The following NDRG2 variants were observed in gnomAD, a reference collection of about 807,000 sequenced individuals.
NDRG2 encodes protein NDRG2.
In NDRG2, 34 loss-of-function variants were observed where a neutral mutation model predicts 58.2. The ratio of observed to expected loss-of-function variants is 0.58; its 90% CI spans 0.44 to 0.78. NDRG2 has a LOEUF of 0.78. NDRG2 is among the 30% of genes least tolerant of loss of function. The pLI, the probability that NDRG2 is intolerant of heterozygous loss-of-function variation, is 0.00. For synonymous variants in NDRG2, 187 were observed against 175.9 expected (o/e 1.06, Z -0.50); for missense variants, 434 against 471.2 (o/e 0.92, Z 0.73).
At chr14:21,058,709 G>A (rs1405025574) in intron 1 of NDRG2, among the ~76,000 whole-genome samples, 1 of 152,180 alleles carries the variant, frequency 6.6e-6, no homozygotes, top group Non-Finnish European at 1.5e-5. Flanking sequence ...CAGATCCTTG[G>A]AAGGGCTGTG....
Position 21,024,351 on chromosome 14 carries a change from G to C in NDRG2, c.-328C>G. 1.0e-6 allele frequency: 1 copy of C among 971,810 alleles called. No individual in the cohort carries two copies. The highest frequency in any genetic ancestry group is 1.2e-6 in the Non-Finnish European group (1 of 817,506). The allele number at this position is 971,810 out of a possible 1,614,324, so 60.2% of individuals were successfully genotyped here. A position where few individuals can be genotyped will look rare whatever the true frequency, so the allele number is the denominator to read the frequency against. The stretch of plus-strand genomic sequence containing the variant: ...AGGAAGTGCTGATGTGGAGGTAAGA[G>C]GGTGGCCCTGTCAGAACCTCCGGAT... On this transcript the variant is annotated 5_prime_UTR_variant, in exon 1 of 16. Coordinates refer to ENST00000556147, the MANE Select transcript of NDRG2 (RefSeq NM_001320329.2).
chr14:21,020,599 G>A lies in NDRG2; in HGVS notation c.469-17C>T, dbSNP rs776774958. 1.9e-6 allele frequency: 3 copies of A among 1,611,898 alleles called. No homozygotes were observed. Among genetic ancestry groups the A allele is most frequent in the East Asian group, 4.5e-5 (2 of 44,848 alleles). On this transcript the variant is annotated splice_polypyrimidine_tract_variant and intron_variant, in intron 7 of 15. Coordinates refer to ENST00000556147, the MANE Select transcript of NDRG2 (RefSeq NM_001320329.2). ...GTGGTTAAGCTGAGGGACAGCAGAA[G>A]GAAGGAAATGAGAAACAGGGCATGG...
Position 21,057,725 on chromosome 14 carries a change from G to A in NDRG2, c.24+13103C>T, listed in dbSNP as rs1199006834. On this transcript the variant is annotated intron_variant, in intron 1 of 14. Transcript: ENST00000403829. ...GGCACAAAAAGGCACATTATCTGCT[G>A]GTACTAAACAATAGAATGCCAGGGG... is the stretch of plus-strand genomic sequence containing the variant. 6 of 607,972 alleles carry A rather than the reference G, an allele frequency of 9.9e-6. 1 individual carries two copies. Among genetic ancestry groups the A allele is most frequent in the African/African-American group, 9.3e-5 (5 of 53,710 alleles). The allele number at this position is 607,972 out of a possible 1,614,324, so 37.7% of individuals were successfully genotyped here.
intron 1 of NDRG2, among the ~76,000 whole-genome samples, chr14:21,040,954 AG>A (rs1156832870): frequency 1.3e-5 from 2 of 150,250 alleles, no homozygotes; most frequent in African/African-American, 4.9e-5. Flanking sequence ...CTACAAAGGC[AG>A]GGACTTTTGT....
chr14:21,024,229 T>G lies in NDRG2; in HGVS notation c.-206A>C, dbSNP rs919182608. ...CGGGTCACTAACCCTCCCCAGTGTCTGTCTACCCCTAAGTCCAGAGAACAC... is the reference window on the plus strand; with the variant it reads ...CGGGTCACTAACCCTCCCCAGTGTCGGTCTACCCCTAAGTCCAGAGAACAC... On this transcript the variant is annotated 5_prime_UTR_variant, in exon 1 of 16. Coordinates refer to ENST00000556147, the MANE Select transcript of NDRG2 (RefSeq NM_001320329.2). 260 of 985,362 alleles carry G rather than the reference T, an allele frequency of 2.6e-4. No individual in the cohort carries two copies. Among genetic ancestry groups the G allele is most frequent in the Admixed American group, 1.7e-3 (28 of 16,252 alleles). The allele number at this position is 985,362 out of a possible 1,614,324, so 61.0% of individuals were successfully genotyped here.
At chr14:21,053,015 G>A (rs1026860869) in intron 1 of NDRG2, among the ~76,000 whole-genome samples, 3 of 152,168 alleles carry the variant, frequency 2.0e-5, no homozygotes, top group African/African-American at 4.8e-5. Context: ...AACAGTCAAA[G>A]GAGACCAGTA....
Position 21,057,695 on chromosome 14 carries a change from T to C in NDRG2, c.24+13133A>G, listed in dbSNP as rs546717796. 1.8e-5 allele frequency: 10 copies of C among 542,976 alleles called. No homozygotes were observed. The East Asian group carries it at 3.0e-4, about 16-fold the overall frequency. The allele number at this position is 542,976 out of a possible 1,614,324, so 33.6% of individuals were successfully genotyped here. A position where few individuals can be genotyped will look rare whatever the true frequency, so the allele number is the denominator to read the frequency against. Reference sequence around the variant, plus strand: ...GAGAGGTAAAGAAGGTAAGTGTTTATTAGAGGCACAAAAAGGCACATTATC... The same window carrying C: ...GAGAGGTAAAGAAGGTAAGTGTTTACTAGAGGCACAAAAAGGCACATTATC... On this transcript the variant is annotated intron_variant, in intron 1 of 14. Coordinates refer to the NDRG2 transcript ENST00000403829.
chr14:21,024,741 C>T lies in NDRG2; in HGVS notation c.-718G>A, dbSNP rs1566476465. 1 of 985,376 alleles carries T rather than the reference C, an allele frequency of 1.0e-6. No homozygotes were observed. The highest frequency in any genetic ancestry group is 1.2e-6 in the Non-Finnish European group (1 of 830,012). 61.0% of individuals were successfully genotyped at this position (985,376 alleles called of 1,614,324 possible). On this transcript the variant is annotated 5_prime_UTR_variant, in exon 1 of 16. Transcript: ENST00000556147. ...AGAGGAGACCGGCCGGGCCCAGCAC[C>T]CGGAACCCGTCCCTACGAGTCCCTA...
At chr14:21,019,515 A>T (rs1277533431) in intron 10 of NDRG2, 124 bp downstream of exon 10, 3 of 675,988 alleles carry the variant, frequency 4.4e-6, no homozygotes, top group Non-Finnish European at 7.7e-6. Flanking sequence ...TTGCACACTA[A>T]ATGCTGCATT....
chr14:21,036,697 T>C (rs1455077941), intron 1 of NDRG2, among the ~76,000 whole-genome samples: 1 of 152,192 alleles, frequency 6.6e-6, no homozygotes, highest in Non-Finnish European at 1.5e-5. Context: ...TGCTGTCTCC[T>C]CTACCTGGAA....
At chr14:21,048,421 A>AGAAC in intron 1 of NDRG2, 1 of 152,334 alleles carries the variant, frequency 6.6e-6, no homozygotes, top group South Asian at 2.1e-4. Context: ...ACACTGTGAT[A>AGAAC]GAACGCCTCT....
Position 21,058,079 on chromosome 14 carries a change from C to T in NDRG2, c.24+12749G>A, listed in dbSNP as rs540758421. 626 of 1,614,132 alleles carry T rather than the reference C, an allele frequency of 3.9e-4. 9 individuals carry two copies. The South Asian group carries it at 6.4e-3, about 17-fold the overall frequency. On this transcript the variant is annotated intron_variant, in intron 1 of 14. Transcript: ENST00000403829. ...GAGCATCATCAATAAGTACACAGAACGGTGCAAAGACCTCAACACCTTCCT... is the reference window on the plus strand; with the variant it reads ...GAGCATCATCAATAAGTACACAGAATGGTGCAAAGACCTCAACACCTTCCT...
chr14:21,017,717 G>C lies in NDRG2; in HGVS notation c.995C>G (p.Ser332Cys), dbSNP rs768193625. 14 of 1,604,274 alleles carry C rather than the reference G, an allele frequency of 8.7e-6. No homozygotes were observed. The highest frequency in any genetic ancestry group is 2.2e-5 in the East Asian group (1 of 44,452). Residue 332 changes from serine to cysteine, a missense_variant, in exon 16 of 16, where the codon TCT becomes TGT. Coordinates refer to ENST00000556147, the MANE Select transcript of NDRG2 (RefSeq NM_001320329.2). ...ATCAACGGATGCTGCACTGGTCAGA[G>C]AGGCTGTACGAGACCGGGACAGGCG... ...MTRLSRSRTASLTSAASVDGN... is the reference protein window; with the variant it reads ...MTRLSRSRTACLTSAASVDGN...
chr14:21,019,964 T>C lies in NDRG2; in HGVS notation c.568A>G (p.Thr190Ala). Residue 190 changes from threonine (T) to alanine (A), a missense_variant, in exon 9 of 16, where the codon ACC becomes GCC. Thr to Ala is a moderately conservative substitution (Grantham distance 58). Coordinates refer to ENST00000556147, the MANE Select transcript of NDRG2 (RefSeq NM_001320329.2). ...DWAAHKLTGL[T>A]SSIPEMILGH... is the part of the protein sequence containing the mutation. Reference sequence around the variant, plus strand: ...AGGATCATCTCCGGAATGGAAGAGGTGAGGCCTGTTAGCTATGAGGAGAAG... The same window carrying C: ...AGGATCATCTCCGGAATGGAAGAGGCGAGGCCTGTTAGCTATGAGGAGAAG... 2 of 1,613,598 alleles carry C rather than the reference T, an allele frequency of 1.2e-6. No homozygotes were observed. The highest frequency in any genetic ancestry group is 1.7e-6 in the Non-Finnish European group (2 of 1,179,942).
chr14:21,040,780 T>A (rs1281701235), intron 1 of NDRG2, among the ~76,000 whole-genome samples: 1 of 152,200 alleles, frequency 6.6e-6, no homozygotes, highest in Non-Finnish European at 1.5e-5. Context: ...ACAAGTTCAC[T>A]CTTATCTTCA....
intron 1 of NDRG2, among the ~76,000 whole-genome samples, chr14:21,062,239 A>G (rs1292787040): frequency 6.6e-6 from 1 of 152,250 alleles, no homozygotes. Flanking sequence ...TTCATGTTCT[A>G]TGATATTTTC....
chr14:21,058,474 C>A (rs1199649580), intron 1 of NDRG2: 1 of 706,924 alleles, frequency 1.4e-6, no homozygotes, highest in Non-Finnish European at 2.3e-6. Flanking sequence ...CTCCCACACA[C>A]TCAACCTCAC....
At chr14:21,050,777 G>A (rs1224023804) in intron 1 of NDRG2, among the ~76,000 whole-genome samples, 2 of 152,150 alleles carry the variant, frequency 1.3e-5, no homozygotes, top group Non-Finnish European at 2.9e-5. Flanking sequence ...TTATGCACAC[G>A]AGAGTACTTG....
intron 1 of NDRG2, among the ~76,000 whole-genome samples, chr14:21,038,239 C>T (rs117844839): frequency 0.013 from 1,918 of 152,262 alleles, 23 homozygotes; most frequent in Non-Finnish European, 0.022. Context: ...CAGGAGCAGA[C>T]GGAATGCCTT....
Sources: allele counts gnomAD v4.1 joint callset (sites outside exome capture counted in the v4.1 genomes callset), GRCh38; gene constraint gnomAD v4.1.1; transcripts MANE v1.5; gene names NCBI Gene and HGNC (gene_info 2026-07-23, HGNC 2026-07-21).